The following PTPRK variants were observed in gnomAD, a reference collection of about 807,000 sequenced individuals.
The protein encoded by PTPRK is protein tyrosine phosphatase receptor type K, also known as receptor-type tyrosine-protein phosphatase kappa.
In PTPRK, 75 loss-of-function variants were observed where a neutral mutation model predicts 178.0. The observed-to-expected ratio is 0.42, with a 90% CI of 0.35 to 0.51. PTPRK has a LOEUF of 0.51. Ranked by LOEUF, PTPRK falls within the 20% of genes least tolerant of loss-of-function variation. The pLI is 0.02. For synonymous variants in PTPRK, 637 were observed against 620.6 expected, an observed-to-expected ratio of 1.03 and a Z score of -0.39; for missense variants, 1,441 against 1,797.8, an observed-to-expected ratio of 0.80 and a Z score of 3.59.
chr6:128,270,787 C>T (rs1819683592), intron 3 of PTPRK, among the ~76,000 whole-genome samples: 1 of 152,086 alleles, frequency 6.6e-6, no homozygotes, highest in African/African-American at 2.4e-5. Context: ...ATTTATTTCT[C>T]AGCCAAAACC....
chr6:128,301,463 T>G (rs998241994), intron 3 of PTPRK, among the ~76,000 whole-genome samples: 1 of 152,066 alleles, frequency 6.6e-6, no homozygotes, highest in South Asian at 2.1e-4. Flanking sequence ...ATTTAACATT[T>G]AAGAAGCTGA....
chr6:128,268,694 T>C (rs1819330717), intron 3 of PTPRK, among the ~76,000 whole-genome samples: 1 of 152,066 alleles, frequency 6.6e-6, no homozygotes, highest in Admixed American at 6.6e-5. Context: ...ATGGCTCTAA[T>C]AAAATTACTG....
At chr6:128,193,282 A>G (rs1333184096) in intron 6 of PTPRK, among the ~76,000 whole-genome samples, 2 of 128,728 alleles carry the variant, frequency 1.6e-5, no homozygotes, top group Admixed American at 7.7e-5. Context: ...CAGCTTGTGA[A>G]AAAAAAAAAA....
chr6:128,082,703 G>A (rs1053959473), intron 9 of PTPRK, 65 bp from the exon 10 acceptor site: 28 of 1,270,002 alleles, frequency 2.2e-5, no homozygotes, highest in Non-Finnish European at 2.8e-5. Flanking sequence ...AATAAACTCT[G>A]TATAAATAAG....
intron 3 of PTPRK, among the ~76,000 whole-genome samples, chr6:128,246,413 G>A (rs189318219): frequency 2.6e-4 from 39 of 151,728 alleles, no homozygotes; most frequent in Middle Eastern, 3.4e-3. Flanking sequence ...TGATTTAAAA[G>A]GAGGCAAAAT....
chr6:128,343,495 C>A (rs1177695135), intron 2 of PTPRK, among the ~76,000 whole-genome samples: 1 of 129,760 alleles, frequency 7.7e-6, no homozygotes. Context: ...AGTGAAACTC[C>A]ATCTCAAAAA....
intron 29 of PTPRK, 85 bp from the exon 30 acceptor site, chr6:127,970,365 C>T (rs1214527024): frequency 2.8e-6 from 3 of 1,055,160 alleles, no homozygotes; most frequent in Non-Finnish European, 4.2e-6. Flanking sequence ...AACTTGACAA[C>T]CAATTTAGAT....
intron 7 of PTPRK, among the ~76,000 whole-genome samples, chr6:128,175,910 G>C (rs545081735): frequency 1.3e-5 from 2 of 151,766 alleles, no homozygotes; most frequent in Non-Finnish European, 2.9e-5. Flanking sequence ...GAAAGGATTT[G>C]GCTGTTGTAG....
chr6:128,315,964 TA>T (rs759172377), intron 3 of PTPRK, among the ~76,000 whole-genome samples: 2 of 152,164 alleles, frequency 1.3e-5, no homozygotes, highest in Non-Finnish European at 2.9e-5. Context: ...TGGAAAGCCC[TA>T]AAAACTAGAC....
At chr6:128,324,770 C>T (rs1034249011) in intron 2 of PTPRK, among the ~76,000 whole-genome samples, 1 of 152,130 alleles carries the variant, frequency 6.6e-6, no homozygotes, top group African/African-American at 2.4e-5. Context: ...TGCCTACTGA[C>T]TTGATATAAC....
intron 14 of PTPRK, among the ~76,000 whole-genome samples, chr6:128,006,246 A>G (rs561070404): frequency 1.3e-4 from 19 of 151,194 alleles, no homozygotes; most frequent in Non-Finnish European, 1.6e-4. Flanking sequence ...GCAATTAAAC[A>G]GACAGATATG....
Position 128,051,620 on chromosome 6 carries a change from G to A in PTPRK, c.2194+13138C>T, listed in dbSNP as rs1443283852. Among the ~76,000 whole-genome samples, 10 of 152,094 alleles carry A rather than the reference G, an allele frequency of 6.6e-5. No homozygotes were observed. The East Asian group carries it at 9.7e-4, about 15-fold the overall frequency. On this transcript the variant is annotated intron_variant, in intron 13 of 29. Transcript: ENST00000368226. ...GCACTCCACTGGTTATGCATCTTTC[G>A]ATCCGGTTGCTTCTATTCTAGCTTC...
At chr6:128,332,528 A>G (rs986770878) in intron 2 of PTPRK, among the ~76,000 whole-genome samples, 3 of 152,236 alleles carry the variant, frequency 2.0e-5, no homozygotes, top group Non-Finnish European at 2.9e-5. Flanking sequence ...TGGGTCTTCA[A>G]TACTTGTTCC....
chr6:128,024,328 A>C (rs1773960303), intron 13 of PTPRK, among the ~76,000 whole-genome samples: 1 of 152,202 alleles, frequency 6.6e-6, no homozygotes, highest in African/African-American at 2.4e-5. Context: ...TGATGTTCTC[A>C]ATATAAGATT....
chr6:127,995,944 G>T (rs1212695657), intron 17 of PTPRK, among the ~76,000 whole-genome samples: 1 of 152,018 alleles, frequency 6.6e-6, no homozygotes, highest in African/African-American at 2.4e-5. Context: ...TTGAATTCCC[G>T]CTCTCAGTTT....
chr6:128,119,029 C>T (rs576843345), intron 7 of PTPRK, among the ~76,000 whole-genome samples: 8 of 152,184 alleles, frequency 5.3e-5, no homozygotes, highest in Non-Finnish European at 1.0e-4. Flanking sequence ...GCTCTAATAG[C>T]ATAAATCAGC....
chr6:128,392,096 C>T (rs1214679191), intron 2 of PTPRK, among the ~76,000 whole-genome samples: 3 of 152,106 alleles, frequency 2.0e-5, no homozygotes, highest in Admixed American at 2.0e-4. Context: ...CCTACATTCT[C>T]ACCCCTACCC....
chr6:128,504,507 C>A (rs1234414942), intron 1 of PTPRK, among the ~76,000 whole-genome samples: 1 of 152,156 alleles, frequency 6.6e-6, no homozygotes, highest in Middle Eastern at 3.2e-3. Flanking sequence ...GATTGCCCTA[C>A]AGACTCCTGA....
chr6:128,162,662 A>G (rs937247899), intron 7 of PTPRK, among the ~76,000 whole-genome samples: 5 of 151,806 alleles, frequency 3.3e-5, no homozygotes, highest in African/African-American at 1.2e-4. Flanking sequence ...AGTTAAATCT[A>G]TTAGGGAGAG....
Sources: gnomAD v4.1 joint callset for allele counts (sites outside exome capture counted in the v4.1 genomes callset) on GRCh38, gnomAD v4.1.1 for gene constraint, MANE v1.5 for transcripts, NCBI Gene and HGNC (gene_info 2026-07-23, HGNC 2026-07-21) for gene names.